Variants in TRIM16 observed in about 807,000 individuals in gnomAD.
TRIM16 encodes tripartite motif containing 16, also known as tripartite motif-containing protein 16.
Under a neutral mutation model 50.4 loss-of-function variants are expected in TRIM16, and 33 were observed. That is an observed-to-expected ratio of 0.65 (90% CI 0.50 to 0.88). TRIM16 has a LOEUF of 0.88. Among genes scored for constraint, TRIM16 ranks in the 40% least tolerant of loss-of-function variants. TRIM16 has a pLI of 0.00. For missense variants in TRIM16, 581 were observed against 686.8 expected, an observed-to-expected ratio of 0.85 and a Z score of 1.72; for synonymous variants, 229 against 270.7, an observed-to-expected ratio of 0.85 and a Z score of 1.51.
intron 6 of TRIM16, among the ~76,000 whole-genome samples, chr17:15,669,049 T>A (rs1988618818): frequency 6.6e-6 from 1 of 151,940 alleles, no homozygotes; most frequent in Admixed American, 6.6e-5. Context: ...GGAAAAGACA[T>A]TCAACATTAT....
chr17:15,667,743 A>G (rs1194025187), intron 6 of TRIM16, among the ~76,000 whole-genome samples: 1 of 152,196 alleles, frequency 6.6e-6, no homozygotes, highest in Middle Eastern at 3.2e-3. Context: ...CAATAGGGGT[A>G]CATAAGACCC....
chr17:15,680,889 A>G lies in TRIM16; in HGVS notation c.-614T>C, dbSNP rs1989157309. 2 of 1,546,916 alleles carry G rather than the reference A, an allele frequency of 1.3e-6. No individual in the cohort carries two copies. Among genetic ancestry groups the G allele is most frequent in the Non-Finnish European group, 1.7e-6 (2 of 1,146,130 alleles). On this transcript the variant is annotated 5_prime_UTR_variant, in exon 4 of 12. Coordinates refer to ENST00000649191, the MANE Select transcript of TRIM16 (RefSeq NM_001348119.1). ...CCTGGGACTCTGCTGTCCGGCAAAG[A>G]GCAGCCATATTTTCCTTCTTAAGAT...
At chr17:15,656,549 C>T (rs1597643603) in intron 6 of TRIM16, among the ~76,000 whole-genome samples, 1 of 151,962 alleles carries the variant, frequency 6.6e-6, no homozygotes, top group Non-Finnish European at 1.5e-5. Context: ...CCTCCCCAGC[C>T]CCTTTGCAAA....
intron 6 of TRIM16, among the ~76,000 whole-genome samples, chr17:15,669,926 A>T (rs1018437684): frequency 6.6e-5 from 10 of 151,932 alleles, no homozygotes; most frequent in Admixed American, 1.3e-4. Flanking sequence ...GACAACCAAA[A>T]CTCTCTCCAG....
intron 6 of TRIM16, among the ~76,000 whole-genome samples, chr17:15,662,169 T>C (rs945054213): frequency 2.6e-5 from 4 of 152,214 alleles, no homozygotes; most frequent in African/African-American, 9.7e-5. Context: ...TGATGATATA[T>C]GGAAAGAACA....
rs148863858 is a variant in TRIM16, at chr17:15,641,062, C to A, written c.615+1659G>T. Among the ~76,000 whole-genome samples the A allele has an allele frequency of 5.6e-3, 835 of 148,548 alleles. 51 individuals are homozygous for A. Among genetic ancestry groups the A allele is most frequent in the Middle Eastern group, 0.052 (15 of 290 alleles). On this transcript the variant is annotated intron_variant, in intron 8 of 11. Coordinates refer to ENST00000649191, the MANE Select transcript of TRIM16 (RefSeq NM_001348119.1). ...TCCAAATCCTCACCCCCGGCCCCAA[C>A]TGAGGCCATCCTGAGAAAGGATAGT...
At chr17:15,660,841 T>C (rs913619618) in intron 6 of TRIM16, among the ~76,000 whole-genome samples, 2 of 132,178 alleles carry the variant, frequency 1.5e-5, no homozygotes, top group Non-Finnish European at 1.5e-5. Context: ...GAGCTTGCAG[T>C]GAGCCAAGAT....
At chr17:15,678,741 A>C (rs573726398) in intron 4 of TRIM16, among the ~76,000 whole-genome samples, 2 of 152,344 alleles carry the variant, frequency 1.3e-5, no homozygotes, top group Non-Finnish European at 2.9e-5. Flanking sequence ...AGCCAACCCA[A>C]ACTAATTCAG....
intron 7 of TRIM16, among the ~76,000 whole-genome samples, chr17:15,644,332 T>G (rs1470198108): frequency 2.0e-5 from 3 of 152,104 alleles, no homozygotes; most frequent in Non-Finnish European, 2.9e-5. Context: ...ACTACAGGTA[T>G]GTGCCACCAC....
rs1987689290 is a variant in TRIM16 at position 15,651,326 on chromosome 17, G to T, written c.284C>A (p.Thr95Asn). Residue 95 changes from threonine (T) to asparagine (N), a missense_variant, in exon 7 of 12, where the codon ACC becomes AAC. By Grantham distance (65) the Thr-to-Asn change is moderately conservative (BLOSUM62 0). Coordinates refer to ENST00000649191, the MANE Select transcript of TRIM16 (RefSeq NM_001348119.1). ...RRVKAVKSCL[T>N]CMVNYCEEHL... ...CTCTTCACAGTAATTCACCATGCAGGTTAGACAGGACTTCACTGCCTTCAC... is the reference window on the plus strand; with the variant it reads ...CTCTTCACAGTAATTCACCATGCAGTTTAGACAGGACTTCACTGCCTTCAC... 1 of 1,614,222 alleles carries T rather than the reference G, an allele frequency of 6.2e-7. No homozygotes were observed. The highest frequency in any genetic ancestry group is 8.5e-7 in the Non-Finnish European group (1 of 1,180,042).
Position 15,664,693 on chromosome 17 carries a change from C to T in TRIM16, c.-338+12483G>A, listed in dbSNP as rs571183457. Among the ~76,000 whole-genome samples the T allele has an allele frequency of 2.0e-5, 3 of 152,162 alleles. No homozygotes were observed. The South Asian group carries it at 6.2e-4, about 32-fold the overall frequency. On this transcript the variant is annotated intron_variant, in intron 6 of 11. Coordinates refer to ENST00000649191, the MANE Select transcript of TRIM16 (RefSeq NM_001348119.1). ...GCTTCCTGAGTGAAGTGGCTCCTGT[C>T]ACAGTATCAACGTCATGATGTGTCT...
rs779971466 is a variant in TRIM16, at chr17:15,629,037, A to G, written c.1273T>C (p.Tyr425His). 1 of 1,614,082 alleles carries G rather than the reference A, an allele frequency of 6.2e-7. No homozygotes were observed. Among genetic ancestry groups the G allele is most frequent in the Non-Finnish European group, 8.5e-7 (1 of 1,179,970 alleles). ...ACCTCAAAATAGTACCTGTGCAGGT[A>G]CAGACTCTGCTGGGACAGCACCTGC... Reference protein sequence around the residue: ...WRQVLSQQSLYLHRYYFEVEI... With the variant: ...WRQVLSQQSLHLHRYYFEVEI... Residue 425 changes from tyrosine to histidine, a missense_variant, in exon 12 of 12, where the codon TAC (tyrosine) becomes CAC (histidine). By Grantham distance (83) the Tyr-to-His change is moderately conservative. This residue lies in a region of TRIM16 where 450 missense variants were observed against 544.3 expected (regional missense o/e 0.83). Transcript: ENST00000649191.
intron 6 of TRIM16, among the ~76,000 whole-genome samples, chr17:15,660,715 G>A (rs1218713495): frequency 6.6e-6 from 1 of 151,964 alleles, no homozygotes; most frequent in Non-Finnish European, 1.5e-5. Context: ...TGGCTAACAC[G>A]GTGAAACCCC....
intron 7 of TRIM16, among the ~76,000 whole-genome samples, chr17:15,646,280 G>A (rs1316837734): frequency 2.0e-5 from 3 of 148,100 alleles, no homozygotes. Context: ...TGTTTCTCCA[G>A]TTATTCCTGT....
intron 9 of TRIM16, among the ~76,000 whole-genome samples, chr17:15,634,570 G>A (rs1189564753): frequency 1.4e-5 from 2 of 142,520 alleles, no homozygotes; most frequent in Admixed American, 6.9e-5. Flanking sequence ...GGTGGAGCTT[G>A]CAGTGAGCAG....
In TRIM16 at chr17:15,659,327, G is replaced by A. The variant is rs61007935; in HGVS notation, c.-337-7381C>T. ...AGTGAGGTGTGGCTGTGGTGCACGG[G>A]CACCGCTTTGATCACTTCTCAGACC... is the stretch of plus-strand genomic sequence containing the variant. On this transcript the variant is annotated intron_variant, in intron 6 of 11. Coordinates refer to ENST00000649191, the MANE Select transcript of TRIM16 (RefSeq NM_001348119.1). 2.2e-3 allele frequency among the ~76,000 whole-genome samples: 335 copies of A among 152,180 alleles called. 1 individual carries two copies. The highest frequency in any genetic ancestry group is 7.7e-3 in the African/African-American group (319 of 41,522).
chr17:15,666,336 C>T (rs2151413688), intron 6 of TRIM16, among the ~76,000 whole-genome samples: 1 of 152,314 alleles, frequency 6.6e-6, no homozygotes, highest in African/African-American at 2.4e-5. Context: ...TTTGCCTTGG[C>T]CTCCCAAAGT....
chr17:15,661,800 T>G (rs1988250309), intron 6 of TRIM16, among the ~76,000 whole-genome samples: 1 of 152,188 alleles, frequency 6.6e-6, no homozygotes, highest in Admixed American at 6.5e-5. Flanking sequence ...TGACAGATTC[T>G]GGCCTATTTA....
intron 3 of TRIM16, among the ~76,000 whole-genome samples, chr17:15,682,546 C>T (rs538165784): frequency 6.6e-6 from 1 of 152,352 alleles, no homozygotes; most frequent in Non-Finnish European, 1.5e-5. Flanking sequence ...AAGGAGCAGT[C>T]TCTAATTCTG....
Sources: gnomAD v4.1 joint callset for allele counts (sites outside exome capture counted in the v4.1 genomes callset) on GRCh38, gnomAD v4.1.1 for gene constraint, gnomAD v4.1.1 regional missense constraint, MANE v1.5 for transcripts, NCBI Gene and HGNC (gene_info 2026-07-23, HGNC 2026-07-21) for gene names.